SCML4: variants seen among roughly 807,000 people sequenced by gnomAD.
SCML4 encodes sex comb on midleg-like protein 4.
Under a neutral mutation model 41.1 loss-of-function variants are expected in SCML4, and 34 were observed. That is an observed-to-expected ratio of 0.83 (90% confidence interval 0.63 to 1.10). SCML4 has a LOEUF of 1.10. Ranked by LOEUF, SCML4 falls within the 50% of genes least tolerant of loss-of-function variation. The pLI is 0.00. For missense variants in SCML4, 522 were observed against 534.1 expected (o/e 0.98, Z 0.22); for synonymous variants, 214 against 220.9 (o/e 0.97, Z 0.28).
In SCML4 at chr6:107,764,533, C is replaced by T. The variant is rs73762067; in HGVS notation, c.156+7639G>A. ...GTCTGTATCCAGAGAGGGGCTGAGA[C>T]TGGTGATGAGGTGGGGAGGGCTCCT... is the stretch of plus-strand genomic sequence containing the variant. On this transcript the variant is annotated intron_variant, in intron 2 of 7. Coordinates refer to ENST00000369020, the MANE Select transcript of SCML4 (RefSeq NM_198081.5). Among the ~76,000 whole-genome samples, 845 of 152,098 alleles carry T rather than the reference C, an allele frequency of 5.6e-3. 6 individuals are homozygous for T. Among genetic ancestry groups the T allele is most frequent in the African/African-American group, 0.02 (820 of 41,492 alleles).
chr6:107,794,614 C>T (rs79064908), intron 1 of SCML4, among the ~76,000 whole-genome samples: 8,581 of 151,960 alleles, frequency 0.056, 711 homozygotes, highest in African/African-American at 0.18. Flanking sequence ...TTTTAGAGCA[C>T]GTTTTGTTCA....
At chr6:107,769,006 A>C (rs1365380402) in intron 2 of SCML4, among the ~76,000 whole-genome samples, 1 of 152,184 alleles carries the variant, frequency 6.6e-6, no homozygotes, top group Non-Finnish European at 1.5e-5. Context: ...AGGAAAATCT[A>C]CCTATTGATC....
intron 5 of SCML4, among the ~76,000 whole-genome samples, chr6:107,735,132 T>C (rs1776929636): frequency 6.6e-6 from 1 of 152,172 alleles, no homozygotes; most frequent in African/African-American, 2.4e-5. Flanking sequence ...CACCTCGGCC[T>C]CCCAAAGTGC....
chr6:107,708,042 G>A (rs1233330896), intron 6 of SCML4, 31 bp from the exon 7 acceptor site: 2 of 1,546,580 alleles, frequency 1.3e-6, no homozygotes, highest in Non-Finnish European at 1.7e-6. Context: ...GAGACCATGA[G>A]CCAGTGGGAC....
chr6:107,768,203 G>A (rs541203399), intron 2 of SCML4, among the ~76,000 whole-genome samples: 188 of 152,172 alleles, frequency 1.2e-3, no homozygotes, highest in Admixed American at 2.9e-3. Flanking sequence ...ACAGTGAGCT[G>A]TGAGGGTGCC....
At chr6:107,815,137 A>G (rs1281463974) in intron 1 of SCML4, among the ~76,000 whole-genome samples, 3 of 152,178 alleles carry the variant, frequency 2.0e-5, no homozygotes, top group South Asian at 2.1e-4. Flanking sequence ...AGGAGAAGGT[A>G]AAATGACTGG....
Position 107,749,771 on chromosome 6 carries a change from G to A in SCML4, c.199C>T (p.Pro67Ser), listed in dbSNP as rs746604149. ...VLMTPLALSP[P>S]RSTPEPDLSS... is the part of the protein sequence containing the mutation. ...AGGTCGGGCTCTGGGGTACTCCGCG[G>A]AGGTGAGAGGGCTAAGGGAGTCATG... Residue 67 changes from proline (P) to serine (S), a missense_variant, in exon 3 of 8, where the codon CCG (proline) becomes TCG (serine). Physicochemically the swap from Pro to Ser is moderately conservative, Grantham distance 74 (BLOSUM62 -1). Coordinates refer to ENST00000369020, the MANE Select transcript of SCML4 (RefSeq NM_198081.5). The A allele has an allele frequency of 6.2e-7, 1 of 1,614,134 alleles. No individual in the cohort carries two copies. The highest frequency in any genetic ancestry group is 1.1e-5 in the South Asian group (1 of 91,088).
At chr6:107,730,202 C>T (rs1183757601) in intron 5 of SCML4, among the ~76,000 whole-genome samples, 3 of 152,164 alleles carry the variant, frequency 2.0e-5, no homozygotes, top group Admixed American at 2.0e-4. Flanking sequence ...GGAGAGGGAA[C>T]CCCCACTTTT....
chr6:107,793,378 G>A (rs1402145783), intron 1 of SCML4, among the ~76,000 whole-genome samples: 1 of 152,194 alleles, frequency 6.6e-6, no homozygotes, highest in Non-Finnish European at 1.5e-5. Flanking sequence ...CAGACAGGAA[G>A]CCCCTGCATG....
chr6:107,759,132 C>CAAAAAAAAAAAA (rs60124415), intron 2 of SCML4, among the ~76,000 whole-genome samples: 23 of 88,222 alleles, frequency 2.6e-4, no homozygotes, highest in African/African-American at 4.5e-4. Flanking sequence ...ACAAAAAATA[C>CAAAAAAAAAAAA]AAAAAAAAAA....
intron 5 of SCML4, among the ~76,000 whole-genome samples, chr6:107,741,461 G>A (rs1027890726): frequency 1.3e-5 from 2 of 152,234 alleles, no homozygotes; most frequent in African/African-American, 4.8e-5. Flanking sequence ...AGCATTGAGA[G>A]TGCCCGAAGG....
intron 2 of SCML4, among the ~76,000 whole-genome samples, chr6:107,762,837 T>C (rs956450415): frequency 1.3e-5 from 2 of 151,968 alleles, no homozygotes; most frequent in Non-Finnish European, 2.9e-5. Context: ...ATCTAGTTTG[T>C]TGTGTTTTGT....
chr6:107,833,239 T>C, the SCML4 span, among the ~76,000 whole-genome samples: 3 of 152,168 alleles, frequency 2.0e-5, no homozygotes, highest in Non-Finnish European at 2.9e-5. Context: ...TTGTTTAAGA[T>C]TGAATAACTT....
At position 107,761,684 on chromosome 6, in the gene SCML4, G is replaced by A. The variant is rs1414325392; in HGVS notation, c.156+10488C>T. ...ACTCCTGACCTCAAGTGATCTGCCC[G>A]CCTTGGCCTCCCAAAGTGCTAGGAT... is the stretch of plus-strand genomic sequence containing the variant. On this transcript the variant is annotated intron_variant, in intron 2 of 7. Coordinates refer to ENST00000369020, the MANE Select transcript of SCML4 (RefSeq NM_198081.5). Among the ~76,000 whole-genome samples, 4 of 152,098 alleles carry A rather than the reference G, an allele frequency of 2.6e-5. 1 individual carries two copies. Among genetic ancestry groups the A allele is most frequent in the African/African-American group, 4.8e-5 (2 of 41,508 alleles).
chr6:107,746,982 C>G (rs1778170942), intron 3 of SCML4, 93 bp from the exon 4 acceptor site: 2 of 1,052,876 alleles, frequency 1.9e-6, no homozygotes, highest in East Asian at 5.2e-5. Context: ...TCAGCCATGC[C>G]CCTTTGGCCC....
Position 107,707,982 on chromosome 6 carries a change from C to G in SCML4, c.1003G>C (p.Ala335Pro), listed in dbSNP as rs1462597900. 2 of 1,551,110 alleles carry G rather than the reference C, an allele frequency of 1.3e-6. No individual in the cohort carries two copies. The highest frequency in any genetic ancestry group is 1.7e-6 in the Non-Finnish European group (2 of 1,147,008). ...ASSPSQDAQD[A>P]RRPRSRNPSA... ...GGGTTCCTGCTCCGTGGCCGCCTGG[C>G]ATCCTGCGCATCCTGAGAAGGGCTT... The change falls in exon 7 of 8, where the codon GCC (alanine) becomes CCC (proline). Residue 335 changes from alanine to proline, a missense_variant. Physicochemically the swap from Ala to Pro is conservative, Grantham distance 27. Coordinates refer to ENST00000369020, the MANE Select transcript of SCML4 (RefSeq NM_198081.5).
chr6:107,729,492 C>T (rs1400809140), intron 5 of SCML4, among the ~76,000 whole-genome samples: 3 of 152,198 alleles, frequency 2.0e-5, no homozygotes, highest in Non-Finnish European at 4.4e-5. Context: ...TGCAAAGATC[C>T]TATTTCCAAA....
intron 6 of SCML4, among the ~76,000 whole-genome samples, chr6:107,712,799 A>G (rs1629067): frequency 0.75 from 113,867 of 151,716 alleles, 42,912 homozygotes; most frequent in Admixed American, 0.81. Context: ...CTCCAGCTGC[A>G]GCGAAGGTGT....
At chr6:107,740,940 C>T (rs1435455930) in intron 5 of SCML4, among the ~76,000 whole-genome samples, 2 of 152,128 alleles carry the variant, frequency 1.3e-5, no homozygotes, top group African/African-American at 2.4e-5. Context: ...TCAAGGTTAG[C>T]GAGCTATGGG....
Sources: gnomAD v4.1 joint callset for allele counts (sites outside exome capture counted in the v4.1 genomes callset) on GRCh38, gnomAD v4.1.1 for gene constraint, MANE v1.5 for transcripts, NCBI Gene and HGNC (gene_info 2026-07-23, HGNC 2026-07-21) for gene names.